NUMB: variants seen among roughly 807,000 people sequenced by gnomAD.
NUMB encodes the protein protein numb homolog.
NUMB carries 29 observed loss-of-function variants against 59.7 expected under a neutral mutation model. That is an observed-to-expected ratio of 0.49 (90% CI 0.36 to 0.66). The LOEUF (loss-of-function observed/expected upper bound fraction) is 0.66. NUMB is among the 30% of genes least tolerant of loss of function. The pLI, the probability that NUMB is intolerant of heterozygous loss-of-function variation, is 0.00. For missense variants in NUMB, 723 were observed against 822.0 expected, an observed-to-expected ratio of 0.88 and a Z score of 1.47; for synonymous variants, 288 against 288.2, an observed-to-expected ratio of 1.00 and a Z score of 0.01.
intron 5 of NUMB, among the ~76,000 whole-genome samples, chr14:73,318,870 AGTAT>A (rs1187668626): frequency 3.3e-5 from 5 of 152,234 alleles, no homozygotes; most frequent in African/African-American, 9.6e-5. Flanking sequence ...GAGCATATCA[AGTAT>A]GCAGATGACT....
At chr14:73,306,843 C>G (rs1366866094) in intron 6 of NUMB, among the ~76,000 whole-genome samples, 1 of 152,116 alleles carries the variant, frequency 6.6e-6, no homozygotes, top group African/African-American at 2.4e-5. Flanking sequence ...CGCATTAATT[C>G]AAATATTTTG....
intron 2 of NUMB, among the ~76,000 whole-genome samples, chr14:73,389,098 TAAAAAAAAAAA>T (rs71112747): frequency 1.0e-5 from 1 of 95,756 alleles, no homozygotes; most frequent in Non-Finnish European, 2.0e-5. Flanking sequence ...GACTCTGCCT[TAAAAAAAAAAA>T]AAAAAAAAAA....
chr14:73,399,757 A>C (rs1298375999), intron 2 of NUMB, among the ~76,000 whole-genome samples: 1 of 152,268 alleles, frequency 6.6e-6, no homozygotes, highest in Non-Finnish European at 1.5e-5. Flanking sequence ...TCTAAAAAAT[A>C]AACAGGCCAG....
chr14:73,354,098 C>T (rs1436144881), intron 4 of NUMB, among the ~76,000 whole-genome samples: 2 of 152,112 alleles, frequency 1.3e-5, no homozygotes, highest in East Asian at 1.9e-4. Context: ...TTAAGAATCA[C>T]TTTTCCTGTC....
At chr14:73,394,421 AAAG>A (rs1896018789) in intron 2 of NUMB, among the ~76,000 whole-genome samples, 3 of 150,296 alleles carry the variant, frequency 2.0e-5, no homozygotes, top group Admixed American at 6.7e-5. Flanking sequence ...AAAAAAAAAA[AAAG>A]AGAGAGAGAT....
intron 2 of NUMB, among the ~76,000 whole-genome samples, chr14:73,379,286 G>T (rs1295946434): frequency 1.3e-5 from 2 of 152,138 alleles, no homozygotes; most frequent in African/African-American, 4.8e-5. Context: ...ATTTAAAAAT[G>T]ATTTTTAATG....
At chr14:73,284,634 A>G (rs1888859251) in intron 9 of NUMB, 1 of 299,976 alleles carries the variant, frequency 3.3e-6, no homozygotes, top group Non-Finnish European at 6.2e-6. Flanking sequence ...ATAAATTAAG[A>G]CTGTGAAAAA....
chr14:73,430,197 G>C (rs1897764119), intron 1 of NUMB, among the ~76,000 whole-genome samples: 1 of 151,612 alleles, frequency 6.6e-6, no homozygotes, highest in African/African-American at 2.4e-5. Flanking sequence ...TTTGCATATA[G>C]GTTTTTGTGT....
At chr14:73,289,147 C>T (rs1566727989) in intron 8 of NUMB, among the ~76,000 whole-genome samples, 1 of 150,536 alleles carries the variant, frequency 6.6e-6, no homozygotes, top group Non-Finnish European at 1.5e-5. Context: ...GGTTTTCCCC[C>T]ATACCCTTCC....
rs1312573689 is a variant in NUMB, at chr14:73,284,155, C to CG, written c.874dup (p.Arg292ProfsTer9). ...CTCATTGATGCGTAGGGATAGTTGG[C>CG]GTTTAAAGGGTGACATCTTCTGGCT... On this transcript the variant is annotated frameshift_variant, in exon 10 of 13. Transcript: ENST00000555238. LOFTEE classifies it high-confidence loss of function. The CG allele has an allele frequency of 6.2e-7, 1 of 1,613,974 alleles. No individual in the cohort carries two copies. The highest frequency in any genetic ancestry group is 8.5e-7 in the Non-Finnish European group (1 of 1,180,022).
At position 73,276,612 on chromosome 14, in the gene NUMB, C is replaced by A; in HGVS notation, c.1922G>T (p.Ser641Ile). 1 of 1,613,736 alleles carries A rather than the reference C, an allele frequency of 6.2e-7. No individual in the cohort carries two copies. The highest frequency in any genetic ancestry group is 8.5e-7 in the Non-Finnish European group (1 of 1,179,710). ...TNPSPTNPFS[S>I]DLQKTFEIEL ...AATTTCAAACGTCTTCTGTAAGTCA[C>A]TGGAGAAAGGGTTGGTAGGGGAGGG... Residue 641 changes from serine to isoleucine, a missense_variant, in exon 13 of 13, where the codon AGT becomes ATT. Around this residue, in one of 2 missense-constraint regions of NUMB, gnomAD observed 406 missense variants for 385.4 expected, o/e 1.05. Transcript: ENST00000555238.
chr14:73,293,418 G>C (rs1221819689), intron 7 of NUMB, among the ~76,000 whole-genome samples: 2 of 118,098 alleles, frequency 1.7e-5, no homozygotes, highest in Admixed American at 2.1e-4. Context: ...TTTTTGGACA[G>C]TCTCACTCTG....
chr14:73,376,878 T>TC (rs1894974221), intron 2 of NUMB, among the ~76,000 whole-genome samples: 2 of 152,140 alleles, frequency 1.3e-5, no homozygotes, highest in South Asian at 4.1e-4. Context: ...ATGGTGAGAC[T>TC]CCCATCTCTA....
In NUMB at chr14:73,352,457, CAT is replaced by C. The variant is rs1470988305; in HGVS notation, c.126+3167_126+3168del. Among the ~76,000 whole-genome samples, 136 of 19,064 alleles carry C rather than the reference CAT, an allele frequency of 7.1e-3. 8 individuals are homozygous for C. The highest frequency in any genetic ancestry group is 0.012 in the African/African-American group (36 of 2,996). The allele number at this position is 19,064 out of a possible 152,430, so 12.5% of individuals were successfully genotyped here. ...ATACACACACACACACACACACACA[CAT>C]ACACACACACACACACACATATATA... On this transcript the variant is annotated intron_variant, in intron 4 of 12. Transcript: ENST00000555238.
At chr14:73,334,105 A>G (rs189922723) in intron 4 of NUMB, among the ~76,000 whole-genome samples, 2 of 148,762 alleles carry the variant, frequency 1.3e-5, no homozygotes, top group Admixed American at 6.7e-5. Context: ...AGGCTGGAGT[A>G]TAATGGCACA....
At chr14:73,281,289 G>A in intron 11 of NUMB, 1 of 151,166 alleles carries the variant, frequency 6.6e-6, no homozygotes, top group East Asian at 1.9e-4. Context: ...CAGGCTTGTT[G>A]TGGGGATTAA....
intron 1 of NUMB, among the ~76,000 whole-genome samples, chr14:73,413,409 A>C (rs1377232643): frequency 6.6e-6 from 1 of 151,936 alleles, no homozygotes; most frequent in African/African-American, 2.4e-5. Context: ...TTTGTATTTA[A>C]AAATCAGATT....
intron 4 of NUMB, among the ~76,000 whole-genome samples, chr14:73,349,794 G>A (rs935053158): frequency 4.0e-5 from 6 of 150,708 alleles, no homozygotes; most frequent in Admixed American, 1.3e-4. Context: ...CAGGAGAATC[G>A]CGTGAACCCG....
At chr14:73,365,859 A>C (rs1049756911) in intron 3 of NUMB, among the ~76,000 whole-genome samples, 3 of 152,248 alleles carry the variant, frequency 2.0e-5, no homozygotes, top group Non-Finnish European at 2.9e-5. Context: ...AAGTATGAGA[A>C]AAGAATACAT....
Sources: allele counts gnomAD v4.1 joint callset (sites outside exome capture counted in the v4.1 genomes callset), GRCh38; gene constraint gnomAD v4.1.1; regional missense constraint gnomAD v4.1.1; transcripts MANE v1.5; gene names NCBI Gene and HGNC (gene_info 2026-07-23, HGNC 2026-07-21).